The following KLHL1 variants were observed in gnomAD, a reference collection of about 807,000 sequenced individuals.
KLHL1 encodes the protein kelch-like protein 1.
A neutral mutation model predicts 77.7 loss-of-function variants in KLHL1; 47 were observed. That is an observed-to-expected ratio of 0.60 (90% CI 0.48 to 0.77). The LOEUF (loss-of-function observed/expected upper bound fraction) is 0.77. Among genes scored for constraint, KLHL1 ranks in the 30% least tolerant of loss-of-function variants. The probability of loss-of-function intolerance (pLI) is 0.00; values close to 1 mark genes in which losing one functional copy is unlikely to be tolerated. For synonymous variants in KLHL1, 360 were observed against 325.2 expected (o/e 1.11, Z -1.15); for missense variants, 925 against 910.8 (o/e 1.02, Z -0.20).
chr13:69,984,583 T>A (rs761775329), intron 1 of KLHL1, among the ~76,000 whole-genome samples: 2 of 152,256 alleles, frequency 1.3e-5, no homozygotes, highest in Non-Finnish European at 2.9e-5. Flanking sequence ...TACTGCCTCC[T>A]CTAGCTAGTC....
At chr13:69,847,666 A>C (rs1049790834) in intron 5 of KLHL1, among the ~76,000 whole-genome samples, 3 of 151,602 alleles carry the variant, frequency 2.0e-5, no homozygotes, top group Non-Finnish European at 4.4e-5. Flanking sequence ...TTCATGATAA[A>C]GTGACAAAAT....
intron 7 of KLHL1, among the ~76,000 whole-genome samples, chr13:69,794,950 G>A (rs1481758318): frequency 6.6e-6 from 1 of 152,156 alleles, no homozygotes; most frequent in African/African-American, 2.4e-5. Flanking sequence ...CTGGAAGATG[G>A]AAGGAGGTAA....
intron 2 of KLHL1, among the ~76,000 whole-genome samples, chr13:69,971,172 C>T (rs1050642289): frequency 1.3e-5 from 2 of 151,946 alleles, no homozygotes; most frequent in Admixed American, 6.6e-5. Context: ...TCCATGCCTC[C>T]GTTTTCTATA....
At chr13:70,069,759 T>A (rs1375410864) in intron 1 of KLHL1, among the ~76,000 whole-genome samples, 1 of 152,168 alleles carries the variant, frequency 6.6e-6, no homozygotes. Flanking sequence ...ATATGTCGAT[T>A]TAATCTTCCA....
intron 7 of KLHL1, among the ~76,000 whole-genome samples, chr13:69,784,830 C>A (rs1438103881): frequency 6.7e-6 from 1 of 149,946 alleles, no homozygotes; most frequent in African/African-American, 2.4e-5. Flanking sequence ...CTGCACCAAG[C>A]GGACCTAATA....
At chr13:69,750,528 G>GTA (rs1349926634) in intron 7 of KLHL1, among the ~76,000 whole-genome samples, 3 of 151,616 alleles carry the variant, frequency 2.0e-5, no homozygotes, top group East Asian at 1.9e-4. Flanking sequence ...ATATGCATGT[G>GTA]TATATATATG....
chr13:69,988,919 G>A (rs1351915417), intron 1 of KLHL1, among the ~76,000 whole-genome samples: 1 of 152,006 alleles, frequency 6.6e-6, no homozygotes, highest in African/African-American at 2.4e-5. Context: ...TAGGTTGTCT[G>A]TTTGTTCTGT....
chr13:69,977,689 A>G (rs1714773494), intron 1 of KLHL1, among the ~76,000 whole-genome samples: 1 of 152,132 alleles, frequency 6.6e-6, no homozygotes, highest in South Asian at 2.1e-4. Flanking sequence ...CACCTAATAC[A>G]CTGATTTGGA....
At chr13:69,926,965 A>AAAAAAAAAAAAC (rs1306859841) in intron 4 of KLHL1, among the ~76,000 whole-genome samples, 1 of 149,562 alleles carries the variant, frequency 6.7e-6, no homozygotes, top group Non-Finnish European at 1.5e-5. Context: ...AAAAAAAAAA[A>AAAAAAAAAAAAC]AAAAAGCAGA....
chr13:69,792,408 A>G (rs1338740605), intron 7 of KLHL1, among the ~76,000 whole-genome samples: 3 of 152,192 alleles, frequency 2.0e-5, no homozygotes, highest in Non-Finnish European at 4.4e-5. Context: ...TCACAATTTT[A>G]GGCAAAAATG....
chr13:69,822,556 G>A (rs546832258), intron 6 of KLHL1, among the ~76,000 whole-genome samples: 24 of 152,086 alleles, frequency 1.6e-4, no homozygotes, highest in African/African-American at 4.1e-4. Context: ...TTCTACCCAC[G>A]CATCAGAGTT....
In KLHL1 at chr13:69,779,474, T is replaced by C. The variant is rs1320075575; in HGVS notation, c.1639+17264A>G. On this transcript the variant is annotated intron_variant, in intron 7 of 10. Coordinates refer to ENST00000377844, the MANE Select transcript of KLHL1 (RefSeq NM_020866.3). Reference sequence around the variant, plus strand: ...TTTCCTTTTACTGTTGTTTTCCTTTTACTGTTGCTTTCCTTTTCCCTTCTT... The same window carrying C: ...TTTCCTTTTACTGTTGTTTTCCTTTCACTGTTGCTTTCCTTTTCCCTTCTT... Among the ~76,000 whole-genome samples the C allele has an allele frequency of 6.6e-5, 10 of 151,922 alleles. No individual in the cohort carries two copies. In the East Asian group the frequency reaches 1.7e-3, roughly 27 times the overall value.
chr13:69,763,418 A>C (rs1260772446), intron 7 of KLHL1, among the ~76,000 whole-genome samples: 1 of 152,182 alleles, frequency 6.6e-6, no homozygotes, highest in Admixed American at 6.5e-5. Context: ...TCTCGATATT[A>C]TCTTCCTGAT....
chr13:69,979,015 GT>G (rs980254280), intron 1 of KLHL1, among the ~76,000 whole-genome samples: 6 of 152,066 alleles, frequency 3.9e-5, no homozygotes, highest in African/African-American at 1.4e-4. Context: ...GTTATTCAAA[GT>G]CAAAAAGTTA....
In KLHL1 at chr13:70,107,354, C is replaced by A; in HGVS notation, c.346G>T (p.Ala116Ser). ...GACTCCACGTAGAAGAGAGTCCTGG[C>A]TGGCTGCTGAGTGCCCTGCCCAGGA... ...GAPGQGTQQP[A>S]RTLFYVESLE... The change falls in exon 1 of 11, where the codon GCC (alanine) becomes TCC (serine). Residue 116 changes from alanine to serine, a missense_variant. Ala to Ser is a moderately conservative substitution (Grantham distance 99). Transcript: ENST00000377844. 6.2e-7 allele frequency: 1 copy of A among 1,614,176 alleles called. No homozygotes were observed. The highest frequency in any genetic ancestry group is 8.5e-7 in the Non-Finnish European group (1 of 1,180,036).
At chr13:70,001,587 C>CTATT (rs1327222591) in intron 1 of KLHL1, among the ~76,000 whole-genome samples, 1 of 150,042 alleles carries the variant, frequency 6.7e-6, no homozygotes, top group Non-Finnish European at 1.5e-5. Flanking sequence ...ATGTGTCTAT[C>CTATT]TATCTATCTA....
intron 4 of KLHL1, among the ~76,000 whole-genome samples, chr13:69,913,298 G>A (rs77951954): frequency 0.011 from 1,603 of 152,280 alleles, 10 homozygotes; most frequent in Non-Finnish European, 0.016. Flanking sequence ...CCAGGAGGCA[G>A]GGAGCTATAT....
At chr13:69,988,042 G>C (rs879652289) in intron 1 of KLHL1, among the ~76,000 whole-genome samples, 1 of 151,710 alleles carries the variant, frequency 6.6e-6, no homozygotes, top group African/African-American at 2.4e-5. Flanking sequence ...TTGTGTACAG[G>C]TTATTTTGTC....
intron 7 of KLHL1, among the ~76,000 whole-genome samples, chr13:69,794,563 T>TA (rs1877020052): frequency 8.0e-6 from 1 of 125,738 alleles, no homozygotes; most frequent in Non-Finnish European, 1.7e-5. Flanking sequence ...GAGAGAGAGA[T>TA]TAAAAAAAAA....
Sources: allele counts gnomAD v4.1 joint callset (sites outside exome capture counted in the v4.1 genomes callset), GRCh38; gene constraint gnomAD v4.1.1; transcripts MANE v1.5; gene names NCBI Gene and HGNC (gene_info 2026-07-23, HGNC 2026-07-21).